ADAM28: variants seen among roughly 807,000 people sequenced by gnomAD.
ADAM28 encodes the protein ADAM metallopeptidase domain 28, also known as disintegrin and metalloproteinase domain-containing protein 28.
Under a neutral mutation model 101.2 loss-of-function variants are expected in ADAM28, and 105 were observed. The ratio of observed to expected loss-of-function variants is 1.04; its 90% CI spans 0.89 to 1.22. The LOEUF (loss-of-function observed/expected upper bound fraction) is 1.22. ADAM28 is among the 50% of genes most tolerant of loss of function. The probability of loss-of-function intolerance (pLI) is 0.00; values close to 1 mark genes in which losing one functional copy is unlikely to be tolerated. For missense variants in ADAM28, 1,028 were observed against 945.4 expected (o/e 1.09, Z -1.15); for synonymous variants, 322 against 310.6 (o/e 1.04, Z -0.39).
Position 24,311,414 on chromosome 8 carries a change from C to T in ADAM28, c.360C>T (p.Ser120=). 1 of 1,613,098 alleles carries T rather than the reference C, an allele frequency of 6.2e-7. No homozygotes were observed. The highest frequency in any genetic ancestry group is 8.5e-7 in the Non-Finnish European group (1 of 1,179,442). Residue 120 remains serine, a synonymous_variant, in exon 5 of 23, where the codon AGC becomes AGT. Transcript: ENST00000265769. The part of the protein sequence containing the change: ...HILNEKVSDA[S]ISTCRGLRGY... ...TTAATGAAAAGGTTTCTGACGCTAGCATCAGCACATGTAGGGGTCTAAGGT... is the reference window on the plus strand; with the variant it reads ...TTAATGAAAAGGTTTCTGACGCTAGTATCAGCACATGTAGGGGTCTAAGGT...
chr8:24,354,432 T>G lies in ADAM28; in HGVS notation c.*28T>G. On this transcript the variant is annotated 3_prime_UTR_variant, in exon 23 of 23. Transcript: ENST00000265769. ...CAACAGCTAAGCAAGAACTAATGGCTAAATTATCAACTTGGAAAACTGGAA... is the reference window on the plus strand; with the variant it reads ...CAACAGCTAAGCAAGAACTAATGGCGAAATTATCAACTTGGAAAACTGGAA... 6.2e-7 allele frequency: 1 copy of G among 1,600,370 alleles called. No homozygotes were observed. The highest frequency in any genetic ancestry group is 8.5e-7 in the Non-Finnish European group (1 of 1,172,864).
At position 24,343,567 on chromosome 8, in the gene ADAM28, A is replaced by T; in HGVS notation, c.1973A>T (p.Asp658Val). 1 of 1,613,282 alleles carries T rather than the reference A, an allele frequency of 6.2e-7. No individual in the cohort carries two copies. Among genetic ancestry groups the T allele is most frequent in the Non-Finnish European group, 8.5e-7 (1 of 1,179,692 alleles). The stretch of plus-strand genomic sequence containing the variant: ...GGATGGATCCCTCCCGACTGCGATG[A>T]CTCCTCAGTGGTCTTCCGTAGGTAA... ...EEGWIPPDCDDSSVVFHFSIV... is the reference protein window; with the variant it reads ...EEGWIPPDCDVSSVVFHFSIV... Residue 658 changes from aspartate to valine, a missense_variant, in exon 18 of 23, where the codon GAC (aspartate) becomes GTC (valine). Physicochemically the swap from Asp to Val is radical, Grantham distance 152. Transcript: ENST00000265769.
intron 10 of ADAM28, among the ~76,000 whole-genome samples, chr8:24,328,780 A>G (rs568838533): frequency 3.9e-5 from 6 of 152,030 alleles, no homozygotes; most frequent in South Asian, 4.1e-4. Context: ...ATACAAAAAA[A>G]TTAGTTGGAC....
chr8:24,321,604 G>A (rs1321337574), intron 8 of ADAM28, among the ~76,000 whole-genome samples: 4 of 151,952 alleles, frequency 2.6e-5, no homozygotes, highest in African/African-American at 9.7e-5. Flanking sequence ...CAGAAAGCTG[G>A]TCCAGAGGGG....
rs540918279 is a variant in ADAM28, at chr8:24,316,876, A to T, written c.576+3296A>T. On this transcript the variant is annotated intron_variant, in intron 6 of 22. Transcript: ENST00000265769. ...CAAATAAGTTCAATAAAGTTGCAGG[A>T]TATAAAATCAACATACAAAATCTGT... 7.0e-4 allele frequency among the ~76,000 whole-genome samples: 106 copies of T among 152,242 alleles called. 1 individual carries two copies. Among genetic ancestry groups the T allele is most frequent in the African/African-American group, 2.5e-3 (105 of 41,566 alleles).
intron 14 of ADAM28, among the ~76,000 whole-genome samples, chr8:24,338,144 C>T (rs948464371): frequency 1.3e-5 from 2 of 152,056 alleles, no homozygotes; most frequent in African/African-American, 2.4e-5. Flanking sequence ...CAATTGTACT[C>T]AAATAATTAT....
intron 9 of ADAM28, among the ~76,000 whole-genome samples, chr8:24,324,730 T>G (rs1333940354): frequency 6.6e-6 from 1 of 151,980 alleles, no homozygotes; most frequent in Non-Finnish European, 1.5e-5. Context: ...GTGTGTGGGC[T>G]CATCTGGCTG....
At position 24,302,966 on chromosome 8, in the gene ADAM28, G is replaced by A. The variant is rs953205839; in HGVS notation, c.150+2889G>A. 4.6e-5 allele frequency among the ~76,000 whole-genome samples: 6 copies of A among 129,678 alleles called. No homozygotes were observed. The Admixed American group carries it at 6.0e-4, about 13-fold the overall frequency. The allele number at this position is 129,678 out of a possible 152,430, so 85.1% of individuals were successfully genotyped here. ...CACAGTGTGTGATGTTCCCCATCCTGTGTCCATGTGTTCTCATTGTTCAGG... is the reference window on the plus strand; with the variant it reads ...CACAGTGTGTGATGTTCCCCATCCTATGTCCATGTGTTCTCATTGTTCAGG... On this transcript the variant is annotated intron_variant, in intron 2 of 22. Transcript: ENST00000265769.
At chr8:24,320,427 A>G (rs756163938) in intron 7 of ADAM28, 120 bp downstream of exon 7, 30 of 708,304 alleles carry the variant, frequency 4.2e-5, no homozygotes, top group Non-Finnish European at 7.0e-5. Flanking sequence ...AGCTATGGTT[A>G]CATGTTCTTC....
At position 24,349,904 on chromosome 8, in the gene ADAM28, C is replaced by T. The variant is rs749407094; in HGVS notation, c.2031C>T (p.Val677=). Residue 677 remains valine, a synonymous_variant, in exon 19 of 23, where the codon GTC becomes GTT. Coordinates refer to ENST00000265769, the MANE Select transcript of ADAM28 (RefSeq NM_014265.6). ...TTGGGGTGCTGTTCCCAATGGCGGT[C>T]ATTTTTGTGGTGGTTGCTATGGTAA... is the stretch of plus-strand genomic sequence containing the variant. ...IVVGVLFPMA[V]IFVVVAMVIR... is the part of the protein sequence containing the mutation. 1 of 1,613,566 alleles carries T rather than the reference C, an allele frequency of 6.2e-7. No individual in the cohort carries two copies. Among genetic ancestry groups the T allele is most frequent in the African/African-American group, 1.3e-5 (1 of 74,842 alleles).
chr8:24,354,146 C>T (rs964271503), intron 22 of ADAM28, among the ~76,000 whole-genome samples: 1 of 151,952 alleles, frequency 6.6e-6, no homozygotes, highest in South Asian at 2.1e-4. Flanking sequence ...CCTTCTGGTC[C>T]CCTACCTTCT....
At chr8:24,346,662 G>A (rs1273287229) in intron 18 of ADAM28, among the ~76,000 whole-genome samples, 5 of 152,008 alleles carry the variant, frequency 3.3e-5, no homozygotes, top group Non-Finnish European at 7.4e-5. Context: ...ACATAATAGA[G>A]CAGACATGTA....
intron 11 of ADAM28, 146 bp downstream of exon 11, chr8:24,330,261 G>T: frequency 1.1e-6 from 1 of 930,766 alleles, no homozygotes; most frequent in South Asian, 2.1e-5. Flanking sequence ...TCATCTATGG[G>T]TAATATTTTT....
intron 11 of ADAM28, 126 bp downstream of exon 11, chr8:24,330,241 C>T: frequency 2.7e-6 from 3 of 1,124,766 alleles, no homozygotes; most frequent in Middle Eastern, 3.0e-4. Flanking sequence ...TGCATTTGTG[C>T]CAAGCCACCT....
chr8:24,350,091 A>G, intron 19 of ADAM28, 119 bp downstream of exon 19: 1 of 817,868 alleles, frequency 1.2e-6, no homozygotes, highest in Non-Finnish European at 1.8e-6. Flanking sequence ...ATTCAGAAAT[A>G]CATGCAGATG....
At chr8:24,297,159 GTTT>G (rs201347512) in intron 1 of ADAM28, among the ~76,000 whole-genome samples, 1 of 144,548 alleles carries the variant, frequency 6.9e-6, no homozygotes, top group African/African-American at 2.7e-5. Context: ...AATGTTGTGG[GTTT>G]TTTTTTGTTG....
chr8:24,315,633 G>T (rs998866416), intron 6 of ADAM28, among the ~76,000 whole-genome samples: 3 of 151,966 alleles, frequency 2.0e-5, no homozygotes, highest in African/African-American at 7.2e-5. Flanking sequence ...AATAGAGACA[G>T]AAGGTGTACT....
In ADAM28 at chr8:24,335,582, A is replaced by G. The variant is rs779512946; in HGVS notation, c.1508A>G (p.His503Arg). 1.2e-6 allele frequency: 2 copies of G among 1,613,810 alleles called. No homozygotes were observed. The highest frequency in any genetic ancestry group is 2.2e-5 in the East Asian group (1 of 44,838). ...TTCCCTTGCCATCACGGGAAGGGCC[A>G]CTGCTTGATGGGGACATGCCCCACA... is the stretch of plus-strand genomic sequence containing the variant. Reference protein sequence around the residue: ...NGFPCHHGKGHCLMGTCPTLQ... With the variant: ...NGFPCHHGKGRCLMGTCPTLQ... Residue 503 changes from histidine to arginine, a missense_variant, in exon 14 of 23, where the codon CAC becomes CGC. Transcript: ENST00000265769.
intron 2 of ADAM28, among the ~76,000 whole-genome samples, chr8:24,307,366 T>C (rs1216526002): frequency 6.6e-6 from 1 of 152,216 alleles, no homozygotes; most frequent in African/African-American, 2.4e-5. Context: ...GCACTGGCTT[T>C]ACCTGTCAGC....
Sources: gnomAD v4.1 joint callset for allele counts (sites outside exome capture counted in the v4.1 genomes callset) on GRCh38, gnomAD v4.1.1 for gene constraint, MANE v1.5 for transcripts, NCBI Gene and HGNC (gene_info 2026-07-23, HGNC 2026-07-21) for gene names.